CCSER1: variants seen among roughly 807,000 people sequenced by gnomAD.
CCSER1 encodes the protein serine-rich coiled-coil domain-containing protein 1.
CCSER1 carries 41 observed loss-of-function variants against 82.0 expected under a neutral mutation model. The observed-to-expected ratio is 0.50, with a 90% CI of 0.39 to 0.65. The LOEUF is 0.65. Ranked by LOEUF, CCSER1 falls within the 30% of genes least tolerant of loss-of-function variation. The pLI is 0.00. For synonymous variants in CCSER1, 414 were observed against 383.9 expected (o/e 1.08, Z -0.92); for missense variants, 1,119 against 1,064.2 (o/e 1.05, Z -0.72).
intron 10 of CCSER1, among the ~76,000 whole-genome samples, chr4:91,177,287 T>G (rs1733492641): frequency 1.3e-5 from 2 of 152,204 alleles, no homozygotes; most frequent in Non-Finnish European, 2.9e-5. Flanking sequence ...TCTCTTTTTC[T>G]GCTGTGTCTC....
At chr4:90,841,633 A>C (rs978811805) in intron 8 of CCSER1, among the ~76,000 whole-genome samples, 15 of 151,428 alleles carry the variant, frequency 9.9e-5, no homozygotes, top group Non-Finnish European at 1.6e-4. Context: ...GTTTTCCCTG[A>C]CATAGTCTGG....
intron 5 of CCSER1, among the ~76,000 whole-genome samples, chr4:90,619,153 TGG>T (rs1721836820): frequency 6.6e-6 from 1 of 151,982 alleles, no homozygotes; most frequent in Non-Finnish European, 1.5e-5. Context: ...AAAACTACAA[TGG>T]AACTGAACTT....
At chr4:91,545,331 T>G (rs1761832723) in intron 10 of CCSER1, among the ~76,000 whole-genome samples, 1 of 152,116 alleles carries the variant, frequency 6.6e-6, no homozygotes, top group East Asian at 1.9e-4. Context: ...CTGCACCCAC[T>G]GTCCGACAAG....
At chr4:91,244,343 T>C (rs1003527905) in intron 10 of CCSER1, among the ~76,000 whole-genome samples, 2 of 152,212 alleles carry the variant, frequency 1.3e-5, no homozygotes, top group Non-Finnish European at 1.5e-5. Context: ...GGGAACTTAC[T>C]ACCTTGAAGG....
At chr4:90,696,740 C>T (rs1422553465) in intron 6 of CCSER1, among the ~76,000 whole-genome samples, 2 of 152,108 alleles carry the variant, frequency 1.3e-5, no homozygotes, top group African/African-American at 4.8e-5. Context: ...TTCCAACAAC[C>T]TTTAAGAGTG....
rs556506458 is a variant in CCSER1, at chr4:90,473,242, T to G, written c.1724+4888T>G. ...TTTTTTAGAAATGTGCTTGTTGAAATGCAAATATTCTGTACATACCATAAC... is the reference window on the plus strand; with the variant it reads ...TTTTTTAGAAATGTGCTTGTTGAAAGGCAAATATTCTGTACATACCATAAC... On this transcript the variant is annotated intron_variant, in intron 5 of 10. Coordinates refer to ENST00000509176, the MANE Select transcript of CCSER1 (RefSeq NM_001145065.2). 3.9e-5 allele frequency among the ~76,000 whole-genome samples: 6 copies of G among 152,310 alleles called. No homozygotes were observed. The East Asian group carries it at 1.2e-3, about 29-fold the overall frequency.
chr4:91,598,011 C>T (rs1764661105), intron 10 of CCSER1, among the ~76,000 whole-genome samples: 1 of 152,132 alleles, frequency 6.6e-6, no homozygotes. Flanking sequence ...CTAAATGAAA[C>T]ATGTATTGAA....
At chr4:90,201,406 A>G (rs949940425) in intron 1 of CCSER1, among the ~76,000 whole-genome samples, 18 of 152,014 alleles carry the variant, frequency 1.2e-4, no homozygotes, top group African/African-American at 3.9e-4. Context: ...AGTAAAATGC[A>G]TAATGTAGGC....
At chr4:90,586,837 G>T (rs2148666615) in intron 5 of CCSER1, among the ~76,000 whole-genome samples, 1 of 152,338 alleles carries the variant, frequency 6.6e-6, no homozygotes, top group African/African-American at 2.4e-5. Flanking sequence ...CTGATATGAT[G>T]CTGTAGTAGG....
chr4:90,837,498 G>A (rs987569420), intron 8 of CCSER1, among the ~76,000 whole-genome samples: 3 of 152,080 alleles, frequency 2.0e-5, no homozygotes, highest in South Asian at 4.1e-4. Context: ...GTAAAATGGA[G>A]ATTATAATAC....
chr4:91,087,552 T>A (rs1723511217), intron 10 of CCSER1, among the ~76,000 whole-genome samples: 1 of 152,114 alleles, frequency 6.6e-6, no homozygotes, highest in Non-Finnish European at 1.5e-5. Context: ...TATATTGTTC[T>A]CAAAACTATT....
chr4:90,271,897 A>C (rs1011610284), intron 1 of CCSER1, among the ~76,000 whole-genome samples: 1 of 87,212 alleles, frequency 1.1e-5, no homozygotes, highest in Non-Finnish European at 2.2e-5. Context: ...TTTTAAAAGG[A>C]GGTTTAATTG....
intron 4 of CCSER1, among the ~76,000 whole-genome samples, chr4:90,419,432 C>T (rs996251823): frequency 2.0e-5 from 3 of 151,888 alleles, no homozygotes; most frequent in Non-Finnish European, 4.4e-5. Flanking sequence ...TGTTAATATA[C>T]ATCAAGTACA....
chr4:90,692,130 G>C (rs1736123365), intron 6 of CCSER1, among the ~76,000 whole-genome samples: 2 of 149,486 alleles, frequency 1.3e-5, no homozygotes, highest in African/African-American at 4.9e-5. Context: ...ATTTATGAAG[G>C]TATTTCTCAT....
intron 10 of CCSER1, among the ~76,000 whole-genome samples, chr4:91,171,722 G>A (rs1732775661): frequency 1.3e-5 from 2 of 151,560 alleles, no homozygotes; most frequent in Admixed American, 1.3e-4. Context: ...ATAAAAGAGT[G>A]GAATATCTAG....
At chr4:91,192,765 G>A (rs1735110609) in intron 10 of CCSER1, among the ~76,000 whole-genome samples, 1 of 151,578 alleles carries the variant, frequency 6.6e-6, no homozygotes, top group Non-Finnish European at 1.5e-5. Context: ...CAAAATTTTG[G>A]TTTTTACAAA....
intron 5 of CCSER1, among the ~76,000 whole-genome samples, chr4:90,508,073 T>C (rs1431378812): frequency 6.6e-6 from 1 of 152,042 alleles, no homozygotes; most frequent in Non-Finnish European, 1.5e-5. Context: ...TCTGGTTTCA[T>C]TGTGTGGTTT....
At chr4:90,979,865 G>A (rs1735950401) in intron 9 of CCSER1, among the ~76,000 whole-genome samples, 1 of 151,714 alleles carries the variant, frequency 6.6e-6, no homozygotes, top group Admixed American at 6.6e-5. Context: ...TTGTTAATGA[G>A]GCATAACCTA....
intron 7 of CCSER1, chr4:90,781,943 C>T (rs1014315604): frequency 1.5e-5 from 14 of 922,442 alleles, no homozygotes; most frequent in African/African-American, 5.4e-5. Flanking sequence ...TGAATATGAA[C>T]GCAGTGTATT....
Sources: allele counts gnomAD v4.1 joint callset (sites outside exome capture counted in the v4.1 genomes callset), GRCh38; gene constraint gnomAD v4.1.1; transcripts MANE v1.5; gene names NCBI Gene and HGNC (gene_info 2026-07-23, HGNC 2026-07-21).